The following ZBTB38 variants were observed in gnomAD, a reference collection of about 807,000 sequenced individuals.
ZBTB38 encodes zinc finger and BTB domain-containing protein 38.
A neutral mutation model predicts 76.8 loss-of-function variants in ZBTB38; 20 were observed. The ratio of observed to expected loss-of-function variants is 0.26; its 90% CI spans 0.18 to 0.38. ZBTB38 has a LOEUF of 0.38. ZBTB38 is among the 10% of genes least tolerant of loss of function. ZBTB38 has a pLI of 1.00. For synonymous variants in ZBTB38, 504 were observed against 544.2 expected (o/e 0.93, Z 1.03); for missense variants, 1,082 against 1,482.3 (o/e 0.73, Z 4.43).
intron 2 of ZBTB38, among the ~76,000 whole-genome samples, chr3:141,378,423 G>A (rs998575158): frequency 6.6e-5 from 10 of 152,120 alleles, no homozygotes; most frequent in Middle Eastern, 3.2e-3. Flanking sequence ...CTGTATCTGC[G>A]TTTATTTGAA....
chr3:141,418,420 C>G (rs77425777), intron 5 of ZBTB38, among the ~76,000 whole-genome samples: 2 of 152,292 alleles, frequency 1.3e-5, no homozygotes, highest in South Asian at 4.2e-4. Context: ...CGAGCCCCCC[C>G]TCCCTTGCAC....
intron 1 of ZBTB38, 67 bp downstream of exon 1, chr3:141,368,871 C>G (rs1255954654): frequency 6.6e-6 from 1 of 152,014 alleles, no homozygotes; most frequent in East Asian, 1.9e-4. Flanking sequence ...CCATCTTGTT[C>G]CCTGACGCCT....
At chr3:141,363,383 AT>A (rs1394880997) in intron 1 of ZBTB38, among the ~76,000 whole-genome samples, 9 of 152,224 alleles carry the variant, frequency 5.9e-5, no homozygotes, top group African/African-American at 1.7e-4. Context: ...TTTTGCAGAA[AT>A]TGAGAAGCTG....
chr3:141,393,762 A>G (rs1007297502), intron 4 of ZBTB38, among the ~76,000 whole-genome samples: 3 of 151,040 alleles, frequency 2.0e-5, no homozygotes, highest in South Asian at 2.1e-4. Flanking sequence ...GGTACCAGGG[A>G]GAAAGTGGGA....
rs1946186110 is a variant in ZBTB38, at chr3:141,381,498, C to A, written c.-172+11C>A. On this transcript the variant is annotated intron_variant, in intron 3 of 5. Transcript: ENST00000321464. The stretch of plus-strand genomic sequence containing the variant: ...AATCTTTGCCAACAGGTATGTACTC[C>A]TTTCTCATGTCCTACACAGATGCTA... 2 of 152,282 alleles carry A rather than the reference C, an allele frequency of 1.3e-5. No individual in the cohort carries two copies. Among genetic ancestry groups the A allele is most frequent in the African/African-American group, 4.8e-5 (2 of 41,458 alleles). 9.4% of individuals were successfully genotyped at this position (152,282 alleles called of 1,614,324 possible).
chr3:141,425,228 C>T (rs1397478312), intron 5 of ZBTB38, among the ~76,000 whole-genome samples: 1 of 152,180 alleles, frequency 6.6e-6, no homozygotes, highest in Non-Finnish European at 1.5e-5. Context: ...AGTAACAATG[C>T]TTTGCGAGTC....
chr3:141,340,999 G>T (rs1209076601), intron 1 of ZBTB38, among the ~76,000 whole-genome samples: 2 of 144,820 alleles, frequency 1.4e-5, no homozygotes, highest in Non-Finnish European at 3.1e-5. Flanking sequence ...AGAGAAAGAA[G>T]AAAGAAAGAA....
intron 2 of ZBTB38, among the ~76,000 whole-genome samples, chr3:141,372,653 CAAAAA>C (rs1296129222): frequency 9.6e-6 from 1 of 104,326 alleles, no homozygotes; most frequent in Non-Finnish European, 2.0e-5. Flanking sequence ...ACTCCATCTC[CAAAAA>C]AAAAAAAAAA....
chr3:141,433,282 A>G (rs1332731245), intron 5 of ZBTB38, among the ~76,000 whole-genome samples: 1 of 151,560 alleles, frequency 6.6e-6, no homozygotes, highest in Non-Finnish European at 1.5e-5. Context: ...TAGAAAAATT[A>G]TTTAATTAAG....
At chr3:141,348,540 A>G (rs531565993) in intron 1 of ZBTB38, among the ~76,000 whole-genome samples, 7 of 152,346 alleles carry the variant, frequency 4.6e-5, no homozygotes, top group South Asian at 4.2e-4. Context: ...TCCTTCCAGG[A>G]GGGGAATGCA....
Position 141,427,244 on chromosome 3 carries a change from C to T in ZBTB38, c.1-15145C>T, listed in dbSNP as rs187354465. 1.2e-3 allele frequency among the ~76,000 whole-genome samples: 186 copies of T among 152,240 alleles called. 3 individuals are homozygous for T. The highest frequency in any genetic ancestry group is 0.012 in the Admixed American group (177 of 15,306). ...AGGAAAACTGGTCAACAGTCTCAGC[C>T]CTCATATAATTTTTACTCTGTAGTA... On this transcript the variant is annotated intron_variant, in intron 5 of 5. Transcript: ENST00000321464.
At chr3:141,407,221 G>C (rs1040292575) in intron 5 of ZBTB38, among the ~76,000 whole-genome samples, 2 of 152,206 alleles carry the variant, frequency 1.3e-5, no homozygotes, top group Admixed American at 6.5e-5. Context: ...TGACATGTGC[G>C]TGTCTGCGCA....
intron 1 of ZBTB38, among the ~76,000 whole-genome samples, chr3:141,346,015 A>G (rs984373365): frequency 1.9e-4 from 29 of 152,122 alleles, no homozygotes; most frequent in Admixed American, 7.9e-4. Flanking sequence ...GGCTGAAGAA[A>G]TTTCCTGGAA....
chr3:141,373,794 CA>C (rs1944964850), intron 2 of ZBTB38, among the ~76,000 whole-genome samples: 2 of 152,124 alleles, frequency 1.3e-5, no homozygotes, highest in Admixed American at 1.3e-4. Flanking sequence ...GTGATATATG[CA>C]AAATGATATG....
intron 5 of ZBTB38, among the ~76,000 whole-genome samples, chr3:141,414,144 A>G (rs1417699634): frequency 6.6e-6 from 1 of 152,256 alleles, no homozygotes; most frequent in Non-Finnish European, 1.5e-5. Flanking sequence ...ACATACATAC[A>G]GGAACAGGAA....
chr3:141,362,336 G>C (rs570717893), intron 1 of ZBTB38, among the ~76,000 whole-genome samples: 1 of 152,272 alleles, frequency 6.6e-6, no homozygotes, highest in East Asian at 1.9e-4. Flanking sequence ...CCAAATGAGT[G>C]AGGATGGGCC....
intron 5 of ZBTB38, among the ~76,000 whole-genome samples, chr3:141,414,958 CCTTTCTTTCTCGGTGCTGAGT>C (rs1352587782): frequency 1.3e-5 from 2 of 151,938 alleles, no homozygotes; most frequent in Non-Finnish European, 2.9e-5. Context: ...TTAACCCTGC[CCTTTCTTTCTCGGTGCTGAGT>C]CATAATGTCT....
At chr3:141,338,640 C>T (rs758651839) in intron 1 of ZBTB38, among the ~76,000 whole-genome samples, 3 of 152,148 alleles carry the variant, frequency 2.0e-5, no homozygotes, top group Non-Finnish European at 4.4e-5. Flanking sequence ...ACAGGGTCTA[C>T]TTGACAGTGG....
At chr3:141,355,149 C>T (rs1943623961) in intron 1 of ZBTB38, among the ~76,000 whole-genome samples, 1 of 152,034 alleles carries the variant, frequency 6.6e-6, no homozygotes. Flanking sequence ...AAGCACTCCT[C>T]TCTTTCCAGG....
Sources: gnomAD v4.1 joint callset for allele counts (sites outside exome capture counted in the v4.1 genomes callset) on GRCh38, gnomAD v4.1.1 for gene constraint, MANE v1.5 for transcripts, NCBI Gene and HGNC (gene_info 2026-07-23, HGNC 2026-07-21) for gene names.